SLC35F4: variants seen among roughly 807,000 people sequenced by gnomAD.
SLC35F4 encodes solute carrier family 35 member F4, also known as chromosome 14 open reading frame 36.
A neutral mutation model predicts 44.2 loss-of-function variants in SLC35F4; 24 were observed. The observed-to-expected ratio is 0.54, with a 90% confidence interval of 0.39 to 0.76. The LOEUF is 0.76. Among genes scored for constraint, SLC35F4 ranks in the 30% least tolerant of loss-of-function variants. The pLI is 0.00. For missense variants in SLC35F4, 562 were observed against 586.1 expected, an observed-to-expected ratio of 0.96 and a Z score of 0.42; for synonymous variants, 238 against 223.6, an observed-to-expected ratio of 1.06 and a Z score of -0.57.
intron 1 of SLC35F4, among the ~76,000 whole-genome samples, chr14:57,948,331 T>C (rs960096060): frequency 6.6e-6 from 1 of 152,160 alleles, no homozygotes; most frequent in Non-Finnish European, 1.5e-5. Context: ...AAGTTATTCA[T>C]AGTAGCCTTG....
intron 1 of SLC35F4, among the ~76,000 whole-genome samples, chr14:57,648,860 A>AT (rs1409073454): frequency 6.6e-6 from 1 of 152,186 alleles, no homozygotes; most frequent in Non-Finnish European, 1.5e-5. Context: ...ACTAGAAATG[A>AT]TTTATTGCTT....
chr14:57,776,020 C>A (rs1039008055), intron 1 of SLC35F4, among the ~76,000 whole-genome samples: 1 of 152,232 alleles, frequency 6.6e-6, no homozygotes, highest in African/African-American at 2.4e-5. Context: ...CAAGTATTAA[C>A]AGCAGAATAA....
intron 1 of SLC35F4, among the ~76,000 whole-genome samples, chr14:57,967,462 A>C (rs1419363797): frequency 6.6e-6 from 1 of 152,210 alleles, no homozygotes; most frequent in Non-Finnish European, 1.5e-5. Context: ...TTTTTAACAT[A>C]AATAGTATCA....
intron 1 of SLC35F4, among the ~76,000 whole-genome samples, chr14:57,713,912 A>AC (rs1437702833): frequency 2.6e-5 from 4 of 151,978 alleles, no homozygotes; most frequent in East Asian, 1.9e-4. Flanking sequence ...TACCTCCCCC[A>AC]CCCCCCATGG....
At chr14:57,951,922 C>T (rs948076698) in intron 1 of SLC35F4, among the ~76,000 whole-genome samples, 1 of 152,208 alleles carries the variant, frequency 6.6e-6, no homozygotes, top group South Asian at 2.1e-4. Flanking sequence ...CCCAGCACAG[C>T]ACTCATGCTC....
At chr14:57,839,633 A>C (rs1325763425) in intron 1 of SLC35F4, among the ~76,000 whole-genome samples, 1 of 152,122 alleles carries the variant, frequency 6.6e-6, no homozygotes, top group Non-Finnish European at 1.5e-5. Context: ...ATCAGAAAGA[A>C]TAGCTAATGG....
At chr14:57,682,588 G>A (rs1282167730) in intron 1 of SLC35F4, among the ~76,000 whole-genome samples, 1 of 150,976 alleles carries the variant, frequency 6.6e-6, no homozygotes, top group Non-Finnish European at 1.5e-5. Context: ...GTACACCTAT[G>A]CAATAAACAT....
intron 1 of SLC35F4, among the ~76,000 whole-genome samples, chr14:57,913,980 C>T (rs1191813499): frequency 1.3e-5 from 2 of 152,154 alleles, no homozygotes; most frequent in Non-Finnish European, 2.9e-5. Flanking sequence ...ATTTTCTGAA[C>T]ACTTCAAATA....
chr14:57,784,740 G>A (rs993366772), intron 1 of SLC35F4, among the ~76,000 whole-genome samples: 2 of 151,990 alleles, frequency 1.3e-5, no homozygotes, highest in African/African-American at 4.8e-5. Flanking sequence ...CAAAAATAAC[G>A]ATGCATTTTT....
chr14:57,572,830 C>G (rs2068583544), intron 4 of SLC35F4, among the ~76,000 whole-genome samples: 1 of 152,184 alleles, frequency 6.6e-6, no homozygotes, highest in African/African-American at 2.4e-5. Flanking sequence ...TTTGTGTCAT[C>G]TCTTTATCTT....
chr14:57,896,785 T>TGTTTG (rs1257253153), intron 1 of SLC35F4, among the ~76,000 whole-genome samples: 3 of 152,128 alleles, frequency 2.0e-5, no homozygotes, highest in African/African-American at 7.2e-5. Flanking sequence ...ACTCAACAAA[T>TGTTTG]GTTTGTTTAT....
chr14:57,725,983 C>T (rs1311634937), intron 1 of SLC35F4, among the ~76,000 whole-genome samples: 2 of 152,132 alleles, frequency 1.3e-5, no homozygotes, highest in Non-Finnish European at 2.9e-5. Context: ...CCAGGAGACA[C>T]AACAATGATT....
intron 1 of SLC35F4, among the ~76,000 whole-genome samples, chr14:57,795,691 A>G (rs1390224555): frequency 6.6e-6 from 1 of 152,250 alleles, no homozygotes. Context: ...TGATTTCCAA[A>G]CAGAATTAAA....
At chr14:57,896,061 CG>C (rs535306353) in intron 1 of SLC35F4, among the ~76,000 whole-genome samples, 41 of 152,222 alleles carry the variant, frequency 2.7e-4, no homozygotes, top group Admixed American at 2.6e-3. Context: ...CAAAATGCAG[CG>C]CAGACTGATC....
chr14:57,730,265 G>T (rs138468968), intron 1 of SLC35F4, among the ~76,000 whole-genome samples: 10 of 152,292 alleles, frequency 6.6e-5, no homozygotes, highest in African/African-American at 2.4e-4. Flanking sequence ...GCAGGGGACA[G>T]GAAGTATGTA....
chr14:57,792,047 G>T (rs1595074775), intron 1 of SLC35F4, among the ~76,000 whole-genome samples: 1 of 152,082 alleles, frequency 6.6e-6, no homozygotes, highest in East Asian at 1.9e-4. Flanking sequence ...AACCACCATG[G>T]CACATGTGTA....
At chr14:57,888,032 T>C (rs1478508132) in intron 1 of SLC35F4, among the ~76,000 whole-genome samples, 1 of 152,152 alleles carries the variant, frequency 6.6e-6, no homozygotes, top group Non-Finnish European at 1.5e-5. Flanking sequence ...GGCATCTCAG[T>C]TAAACTCTTT....
At chr14:57,650,538 C>G (rs185394624) in intron 1 of SLC35F4, among the ~76,000 whole-genome samples, 9 of 152,228 alleles carry the variant, frequency 5.9e-5, no homozygotes, top group Admixed American at 5.2e-4. Flanking sequence ...TCACCTAATT[C>G]ATACCTCTGT....
At chr14:57,900,001 T>C (rs932648386) in intron 1 of SLC35F4, among the ~76,000 whole-genome samples, 3 of 152,134 alleles carry the variant, frequency 2.0e-5, no homozygotes, top group African/African-American at 7.2e-5. Context: ...TCCCCTCCCA[T>C]GTTCCATTTT....
Sources: allele counts gnomAD v4.1 joint callset (sites outside exome capture counted in the v4.1 genomes callset), GRCh38; gene constraint gnomAD v4.1.1; transcripts MANE v1.5; gene names NCBI Gene and HGNC (gene_info 2026-07-23, HGNC 2026-07-21).